ARHGEF3: variants seen among roughly 807,000 people sequenced by gnomAD.
ARHGEF3 encodes the protein 59.8 kDA protein.
ARHGEF3 carries 28 observed loss-of-function variants against 63.2 expected under a neutral mutation model. The observed-to-expected ratio is 0.44, with a 90% confidence interval of 0.33 to 0.61. The LOEUF (loss-of-function observed/expected upper bound fraction) is 0.61. Ranked by LOEUF, ARHGEF3 falls within the 20% of genes least tolerant of loss-of-function variation. The probability of loss-of-function intolerance (pLI) is 0.03; values close to 1 mark genes in which losing one functional copy is unlikely to be tolerated. For missense variants in ARHGEF3, 533 were observed against 659.3 expected, an observed-to-expected ratio of 0.81 and a Z score of 2.10; for synonymous variants, 266 against 254.2, an observed-to-expected ratio of 1.05 and a Z score of -0.44.
chr3:56,840,065 G>A (rs1455694212), intron 4 of ARHGEF3, among the ~76,000 whole-genome samples: 1 of 152,100 alleles, frequency 6.6e-6, no homozygotes, highest in African/African-American at 2.4e-5. Context: ...AGGATCAGAC[G>A]GAGCTCTGGC....
intron 1 of ARHGEF3, among the ~76,000 whole-genome samples, chr3:56,797,651 A>C (rs963440399): frequency 2.0e-5 from 3 of 152,210 alleles, no homozygotes; most frequent in Non-Finnish European, 2.9e-5. Flanking sequence ...CTGGCATTCA[A>C]GAAGTACAGC....
At chr3:56,780,856 A>C (rs148363429) in intron 1 of ARHGEF3, among the ~76,000 whole-genome samples, 443 of 152,346 alleles carry the variant, frequency 2.9e-3, no homozygotes, top group Non-Finnish European at 4.9e-3. Flanking sequence ...ATTACTGGTG[A>C]TGTTAACTTT....
At chr3:56,934,277 C>G (rs945232411) in intron 3 of ARHGEF3, among the ~76,000 whole-genome samples, 16 of 152,236 alleles carry the variant, frequency 1.1e-4, no homozygotes, top group Non-Finnish European at 2.2e-4. Context: ...ATTTACTGAG[C>G]AGTTACTGAG....
At chr3:56,837,989 G>A (rs930394057) in intron 4 of ARHGEF3, among the ~76,000 whole-genome samples, 11 of 152,158 alleles carry the variant, frequency 7.2e-5, no homozygotes, top group Admixed American at 6.5e-4. Context: ...CCACTGCTGG[G>A]AATACAGCCT....
At chr3:56,972,652 G>A (rs1460015881) in intron 2 of ARHGEF3, among the ~76,000 whole-genome samples, 1 of 151,992 alleles carries the variant, frequency 6.6e-6, no homozygotes, top group Non-Finnish European at 1.5e-5. Flanking sequence ...CAAAGTTCCT[G>A]GGGCACGGCT....
intron 3 of ARHGEF3, among the ~76,000 whole-genome samples, chr3:56,899,172 T>G (rs1362174783): frequency 6.6e-6 from 1 of 152,202 alleles, no homozygotes; most frequent in Non-Finnish European, 1.5e-5. Context: ...CCTCAGGATG[T>G]TAGCTTCCCT....
chr3:57,070,971 C>CAAAAAAAAA (rs1231328722), intron 1 of ARHGEF3, among the ~76,000 whole-genome samples: 1 of 49,626 alleles, frequency 2.0e-5, no homozygotes, highest in African/African-American at 6.3e-5. Context: ...GACTCTGTCA[C>CAAAAAAAAA]AAAAAAAAAA....
rs2041386835 is a variant in ARHGEF3, at chr3:56,898,487, G to T, written c.130-16133C>A. ...GCCTCCTAAAGTGCTGAGATTACAG[G>T]CATGAGCCACAGCGCCTGGCCAGTC... is the stretch of plus-strand genomic sequence containing the variant. On this transcript the variant is annotated intron_variant, in intron 3 of 12. Transcript: ENST00000338458. The T allele has an allele frequency of 3.1e-5, 5 of 161,678 alleles. 1 individual carries two copies. In the South Asian group the frequency reaches 7.2e-4, roughly 23 times the overall value. 10.0% of individuals were successfully genotyped at this position (161,678 alleles called of 1,614,324 possible).
intron 3 of ARHGEF3, among the ~76,000 whole-genome samples, chr3:56,934,850 A>G (rs957771742): frequency 5.9e-5 from 9 of 152,218 alleles, no homozygotes; most frequent in African/African-American, 7.2e-5. Flanking sequence ...GAGGAGCGCG[A>G]GCACACGGCG....
chr3:57,035,037 A>G, intron 2 of ARHGEF3: 1 of 1,420,464 alleles, frequency 7.0e-7, no homozygotes, highest in Non-Finnish European at 9.5e-7. Context: ...TAATTGTTGC[A>G]TACAGGAATT....
chr3:56,804,639 A>G (rs923726203), upstream of ARHGEF3, among the ~76,000 whole-genome samples: 3 of 152,196 alleles, frequency 2.0e-5, no homozygotes, highest in Non-Finnish European at 2.9e-5. Context: ...TTTTCCCTCG[A>G]TAGATAACCT....
intron 4 of ARHGEF3, among the ~76,000 whole-genome samples, chr3:56,879,676 C>T (rs112608655): frequency 6.6e-6 from 1 of 151,028 alleles, no homozygotes; most frequent in African/African-American, 2.4e-5. Context: ...ATACTTTCCA[C>T]TACACATAGA....
At chr3:57,070,872 T>C (rs1180603460) in intron 1 of ARHGEF3, among the ~76,000 whole-genome samples, 2 of 149,040 alleles carry the variant, frequency 1.3e-5, no homozygotes, top group Admixed American at 6.8e-5. Flanking sequence ...CTTGGGAGGC[T>C]GAGGTGGGAG....
chr3:56,881,332 T>C (rs1363138784), intron 4 of ARHGEF3, among the ~76,000 whole-genome samples: 1 of 152,156 alleles, frequency 6.6e-6, no homozygotes, highest in African/African-American at 2.4e-5. Flanking sequence ...GAGCACGGCC[T>C]AATGTTAGAC....
intron 1 of ARHGEF3, among the ~76,000 whole-genome samples, chr3:56,777,219 T>TTTTTATCATGAATTGGCAGTGGC (rs1182536757): frequency 1.3e-5 from 2 of 152,244 alleles, no homozygotes; most frequent in Non-Finnish European, 2.9e-5. Flanking sequence ...TTGCTGTGAA[T>TTTTTATCATGAATTGGCAGTGGC]TTTTATCATG....
chr3:57,072,659 G>A (rs909003937), intron 1 of ARHGEF3, among the ~76,000 whole-genome samples: 2 of 147,392 alleles, frequency 1.4e-5, no homozygotes, highest in African/African-American at 2.5e-5. Flanking sequence ...TGAGAATCAC[G>A]TGAACCCGGG....
intron 1 of ARHGEF3, chr3:57,074,066 C>T: frequency 6.2e-7 from 1 of 1,614,148 alleles, no homozygotes; most frequent in Non-Finnish European, 8.5e-7. Context: ...TTATTCATAA[C>T]TCTACACCTC....
chr3:56,970,433 C>A (rs563876674), intron 2 of ARHGEF3, among the ~76,000 whole-genome samples: 14 of 152,216 alleles, frequency 9.2e-5, no homozygotes, highest in African/African-American at 2.9e-4. Context: ...TTGATGGAAG[C>A]GGCTTAGTGG....
intron 2 of ARHGEF3, among the ~76,000 whole-genome samples, chr3:56,999,187 T>A (rs1192683716): frequency 6.6e-6 from 1 of 152,024 alleles, no homozygotes; most frequent in African/African-American, 2.4e-5. Flanking sequence ...GCCTCCTGAG[T>A]AGCTGGGACT....
Sources: allele counts gnomAD v4.1 joint callset (sites outside exome capture counted in the v4.1 genomes callset), GRCh38; gene constraint gnomAD v4.1.1; transcripts MANE v1.5; gene names NCBI Gene and HGNC (gene_info 2026-07-23, HGNC 2026-07-21).